Variants in LRCH1 observed in about 807,000 individuals in gnomAD.
The protein encoded by LRCH1 is leucine-rich repeat and calponin homology domain-containing protein 1.
Under a neutral mutation model 94.9 loss-of-function variants are expected in LRCH1, and 23 were observed. The ratio of observed to expected loss-of-function variants is 0.24; its 90% CI spans 0.17 to 0.34. The LOEUF (loss-of-function observed/expected upper bound fraction) is 0.34. Ranked by LOEUF, LRCH1 falls within the 10% of genes least tolerant of loss-of-function variation. The pLI is 1.00. For missense variants in LRCH1, 790 were observed against 945.9 expected (o/e 0.84, Z 2.16); for synonymous variants, 364 against 354.9 (o/e 1.03, Z -0.29).
At chr13:46,719,492 A>G (rs1410172402) in intron 16 of LRCH1, among the ~76,000 whole-genome samples, 1 of 152,222 alleles carries the variant, frequency 6.6e-6, no homozygotes, top group East Asian at 1.9e-4. Flanking sequence ...GTATGCTCAC[A>G]GAAGACAGAG....
chr13:46,685,058 C>T (rs1484858829), intron 4 of LRCH1, among the ~76,000 whole-genome samples: 2 of 152,120 alleles, frequency 1.3e-5, no homozygotes, highest in Non-Finnish European at 2.9e-5. Context: ...CGCAATATTC[C>T]ATCCCTTAAC....
intron 1 of LRCH1, among the ~76,000 whole-genome samples, chr13:46,571,264 AG>A (rs1228130921): frequency 6.6e-6 from 1 of 152,242 alleles, no homozygotes; most frequent in East Asian, 1.9e-4. Context: ...GGTCTGCATC[AG>A]GTGCAGTTCC....
chr13:46,654,407 G>A (rs1266749084), intron 2 of LRCH1, among the ~76,000 whole-genome samples: 2 of 152,260 alleles, frequency 1.3e-5, no homozygotes, highest in African/African-American at 4.8e-5. Context: ...GTTGGGTATG[G>A]TGAAGGGTCG....
intron 16 of LRCH1, among the ~76,000 whole-genome samples, chr13:46,717,145 G>A (rs975829861): frequency 1.3e-5 from 2 of 152,072 alleles, no homozygotes; most frequent in Non-Finnish European, 2.9e-5. Flanking sequence ...AACCAGAAAG[G>A]TGAGGTGAGC....
intron 1 of LRCH1, among the ~76,000 whole-genome samples, chr13:46,591,120 G>A (rs1172212497): frequency 6.6e-6 from 1 of 152,214 alleles, no homozygotes; most frequent in South Asian, 2.1e-4. Flanking sequence ...GACTTAAATT[G>A]TCAAGCAAGT....
intron 1 of LRCH1, among the ~76,000 whole-genome samples, chr13:46,602,720 A>G (rs1230695745): frequency 2.0e-5 from 3 of 152,146 alleles, no homozygotes; most frequent in Non-Finnish European, 2.9e-5. Flanking sequence ...TGGGAGGCCG[A>G]GTTGGGTGGA....
intron 10 of LRCH1, among the ~76,000 whole-genome samples, chr13:46,699,646 G>A (rs17068648): frequency 0.027 from 4,094 of 152,272 alleles, 132 homozygotes; most frequent in East Asian, 0.09. Context: ...GGGTAGTAAT[G>A]TGATTTCAGA....
chr13:46,577,668 G>T (rs2050319110), intron 1 of LRCH1, among the ~76,000 whole-genome samples: 4 of 152,148 alleles, frequency 2.6e-5, no homozygotes, highest in Admixed American at 2.6e-4. Flanking sequence ...AGTGAGAGAA[G>T]GTATTGAGTT....
At chr13:46,558,538 C>G (rs1012579636) in intron 1 of LRCH1, among the ~76,000 whole-genome samples, 3 of 127,594 alleles carry the variant, frequency 2.4e-5, no homozygotes, top group Non-Finnish European at 4.7e-5. Context: ...GAGTTCAAGA[C>G]CAGCCTGGCC....
intron 17 of LRCH1, among the ~76,000 whole-genome samples, chr13:46,727,047 A>G (rs1391355692): frequency 6.6e-6 from 1 of 152,166 alleles, no homozygotes; most frequent in Non-Finnish European, 1.5e-5. Context: ...TATAGCAGAG[A>G]TGTTAGAATT....
intron 2 of LRCH1, among the ~76,000 whole-genome samples, chr13:46,659,186 T>G: frequency 6.7e-6 from 1 of 149,890 alleles, no homozygotes; most frequent in East Asian, 2.0e-4. Context: ...ATTTATTTAT[T>G]TATTTATTTA....
At chr13:46,685,484 A>G (rs842382) in intron 4 of LRCH1, among the ~76,000 whole-genome samples, 124,650 of 152,174 alleles carry the variant, frequency 0.82, 51,618 homozygotes, top group African/African-American at 0.94. Context: ...TGCCAGCCCA[A>G]ATACATTGAT....
intron 4 of LRCH1, among the ~76,000 whole-genome samples, chr13:46,685,254 A>C (rs774658017): frequency 3.1e-4 from 47 of 152,180 alleles, no homozygotes; most frequent in Non-Finnish European, 5.4e-4. Context: ...GCTTGAAATT[A>C]CTTAGTGTCT....
intron 2 of LRCH1, among the ~76,000 whole-genome samples, chr13:46,652,618 A>G (rs1419158370): frequency 1.3e-5 from 2 of 152,140 alleles, no homozygotes; most frequent in East Asian, 3.9e-4. Flanking sequence ...TGCAGCAAGC[A>G]TAAGTGTCTA....
At chr13:46,736,468 T>G (rs192052743) in intron 19 of LRCH1, among the ~76,000 whole-genome samples, 2 of 152,120 alleles carry the variant, frequency 1.3e-5, no homozygotes, top group African/African-American at 4.8e-5. Context: ...CTTCCCTACC[T>G]AGGAGGGTTG....
intron 4 of LRCH1, among the ~76,000 whole-genome samples, chr13:46,685,577 C>T (rs1363459752): frequency 1.3e-5 from 2 of 151,976 alleles, no homozygotes; most frequent in East Asian, 3.9e-4. Flanking sequence ...AAAACATAAA[C>T]ATGTCCTGTG....
Position 46,744,762 on chromosome 13 carries a change from A to G in LRCH1, c.*2914A>G. 2.0e-6 allele frequency: 2 copies of G among 985,392 alleles called. No homozygotes were observed. The highest frequency in any genetic ancestry group is 2.4e-6 in the Non-Finnish European group (2 of 829,874). The allele number at this position is 985,392 out of a possible 1,614,324, so 61.0% of individuals were successfully genotyped here. ...GGAAAAAGTAGGGATGATATTTTAA[A>G]ATTTTAAGAAACTGAAAGTTGTTTT... On this transcript the variant is annotated 3_prime_UTR_variant, in exon 20 of 20. Coordinates refer to ENST00000389797, the MANE Select transcript of LRCH1 (RefSeq NM_001164211.2).
At chr13:46,745,700 A>G (rs948182564), downstream of LRCH1, among the ~76,000 whole-genome samples, 7 of 152,334 alleles carry the variant, frequency 4.6e-5, no homozygotes, top group Admixed American at 3.3e-4. Flanking sequence ...AATAACACAC[A>G]GATAGTTTTA....
chr13:46,721,384 A>T (rs1872577283), intron 16 of LRCH1, among the ~76,000 whole-genome samples: 1 of 151,936 alleles, frequency 6.6e-6, no homozygotes, highest in South Asian at 2.1e-4. Flanking sequence ...GCATTTCTTG[A>T]CCTTTTTTTG....
Sources: gnomAD v4.1 joint callset for allele counts (sites outside exome capture counted in the v4.1 genomes callset) on GRCh38, gnomAD v4.1.1 for gene constraint, MANE v1.5 for transcripts, NCBI Gene and HGNC (gene_info 2026-07-23, HGNC 2026-07-21) for gene names.